Variants in CEP290 observed in about 807,000 individuals in gnomAD.
CEP290 encodes the protein centrosomal protein 290.
CEP290 carries 317 observed loss-of-function variants against 344.9 expected under a neutral mutation model. The ratio of observed to expected loss-of-function variants is 0.92; its 90% confidence interval spans 0.84 to 1.01. The LOEUF (loss-of-function observed/expected upper bound fraction) is 1.01. Ranked by LOEUF, CEP290 falls within the 50% of genes least tolerant of loss-of-function variation. CEP290 has a pLI of 0.00. For synonymous variants in CEP290, 932 were observed against 895.8 expected, an observed-to-expected ratio of 1.04 and a Z score of -0.72; for missense variants, 2,754 against 2,761.4, an observed-to-expected ratio of 1.00 and a Z score of 0.06.
Position 88,111,357 on chromosome 12 carries a change from A to C in CEP290, c.2218-6T>G. On this transcript the variant is annotated splice_region_variant and splice_polypyrimidine_tract_variant and intron_variant, in intron 21 of 53. Coordinates refer to ENST00000552810, the MANE Select transcript of CEP290 (RefSeq NM_025114.4). ...TCTTTTTCAAGATGGTCTATCTGGA[A>C]AAAAAAATCCAGCAATGAGAATCAC... The C allele has an allele frequency of 6.4e-7, 1 of 1,560,896 alleles. No homozygotes were observed.
chr12:88,129,716 T>C lies in CEP290; in HGVS notation c.830A>G (p.Glu277Gly). The C allele has an allele frequency of 1.7e-5, 24 of 1,452,216 alleles. No homozygotes were observed. The highest frequency in any genetic ancestry group is 2.2e-5 in the Non-Finnish European group (24 of 1,080,650). 90.0% of individuals were successfully genotyped at this position (1,452,216 alleles called of 1,614,324 possible). Residue 277 changes from glutamate (E) to glycine (G), a missense_variant, in exon 10 of 54, where the codon GAA (glutamate) becomes GGA (glycine). Transcript: ENST00000552810. ...TDNVIDQLKK[E>G]NDHYQLQVQE... ...TACTTGAAGTTGATAATGATCGTTT[T>C]CTTTTTTTAACTGATCTATTACATT...
intron 49 of CEP290, among the ~76,000 whole-genome samples, chr12:88,056,689 C>A (rs1159656432): frequency 6.6e-6 from 1 of 152,082 alleles, no homozygotes; most frequent in Non-Finnish European, 1.5e-5. Context: ...CCTGGTTTGT[C>A]CCAGTAGTCA....
At chr12:88,056,626 C>T (rs945444406) in intron 49 of CEP290, among the ~76,000 whole-genome samples, 7 of 152,048 alleles carry the variant, frequency 4.6e-5, no homozygotes, top group African/African-American at 1.7e-4. Flanking sequence ...CAAAAGCCAC[C>T]CAAACAGAGA....
At chr12:88,072,960 G>A (rs1261801587) in intron 41 of CEP290, among the ~76,000 whole-genome samples, 1 of 152,010 alleles carries the variant, frequency 6.6e-6, no homozygotes, top group Non-Finnish European at 1.5e-5. Flanking sequence ...AGAAACGGAA[G>A]GGAATTAGGG....
Position 88,118,550 on chromosome 12 carries a change from T to G in CEP290, c.1644A>C (p.Glu548Asp), listed in dbSNP as rs763632792. ...GAATTTTTTTTTTCAGATCAAGTCG[T>G]TCTTCCTCTAGACTTTCAATCTGCA... Reference protein sequence around the residue: ...LLKEIESLEEERLDLKKKIRQ... With the variant: ...LLKEIESLEEDRLDLKKKIRQ... Residue 548 changes from glutamate (E) to aspartate (D), a missense_variant, in exon 17 of 54, where the codon GAA (glutamate) becomes GAC (aspartate). Physicochemically the swap from Glu to Asp is conservative, Grantham distance 45 (BLOSUM62 2). Transcript: ENST00000552810. 4 of 1,591,772 alleles carry G rather than the reference T, an allele frequency of 2.5e-6. No individual in the cohort carries two copies. Among genetic ancestry groups the G allele is most frequent in the Non-Finnish European group, 3.4e-6 (4 of 1,167,266 alleles).
chr12:88,068,954 C>G (rs1286848242), intron 43 of CEP290, among the ~76,000 whole-genome samples: 1 of 152,084 alleles, frequency 6.6e-6, no homozygotes, highest in Non-Finnish European at 1.5e-5. Flanking sequence ...TTACATAAGA[C>G]AGTTAAACTA....
At chr12:88,114,329 T>C in intron 20 of CEP290, 91 bp downstream of exon 20, 2 of 1,005,458 alleles carry the variant, frequency 2.0e-6, no homozygotes, top group South Asian at 4.3e-5. Flanking sequence ...TGACTAAAAA[T>C]ATCTCATCAG....
In CEP290 at chr12:88,080,413, A is replaced by ATG. The variant is rs759447937; in HGVS notation, c.5013-20_5013-19dup. 1.5e-5 allele frequency: 23 copies of ATG among 1,564,856 alleles called. No homozygotes were observed. The highest frequency in any genetic ancestry group is 1.7e-4 in the Middle Eastern group (1 of 5,932). On this transcript the variant is annotated intron_variant, in intron 37 of 53. Coordinates refer to ENST00000552810, the MANE Select transcript of CEP290 (RefSeq NM_025114.4). ...CTTGAAGCCTGATGTAAATAAACATATGTGTGTGTGTGTTTTTTAATTTTT... is the reference window on the plus strand; with the variant it reads ...CTTGAAGCCTGATGTAAATAAACATATGTGTGTGTGTGTGTTTTTTAATTTTT...
intron 13 of CEP290, among the ~76,000 whole-genome samples, chr12:88,123,361 A>G (rs1185398280): frequency 6.6e-6 from 1 of 152,018 alleles, no homozygotes; most frequent in Non-Finnish European, 1.5e-5. Context: ...AAGGGTTCCT[A>G]TATTTCTTTA....
intron 49 of CEP290, among the ~76,000 whole-genome samples, chr12:88,056,388 G>A (rs182165808): frequency 6.6e-6 from 1 of 152,034 alleles, no homozygotes; most frequent in East Asian, 1.9e-4. Flanking sequence ...TAGAAAGACT[G>A]CATTCTAAGT....
chr12:88,120,647 G>A (rs1477380297), intron 14 of CEP290, among the ~76,000 whole-genome samples: 1 of 152,176 alleles, frequency 6.6e-6, no homozygotes, highest in African/African-American at 2.4e-5. Flanking sequence ...AAAGTGGAGA[G>A]CAGGTTGTAT....
At chr12:88,086,830 T>C (rs184438005) in intron 32 of CEP290, among the ~76,000 whole-genome samples, 1 of 152,284 alleles carries the variant, frequency 6.6e-6, no homozygotes, top group Non-Finnish European at 1.5e-5. Flanking sequence ...ACCAAGTCCG[T>C]GTCACCACGG....
Position 88,064,056 on chromosome 12 carries a change from G to A in CEP290, c.6195C>T (p.Asn2065=). ...CQREQELQKE[N]LKLSSENIEL... is the part of the protein sequence containing the mutation. ...CAATATTTTCAGATGACAACTTCAA[G>A]TTTTCCTTCTGAAGCTCCTGTTCTC... The change falls in exon 45 of 54, where the codon AAC becomes AAT. Residue 2065 remains asparagine, a synonymous_variant. Transcript: ENST00000552810. 1.9e-6 allele frequency: 3 copies of A among 1,590,852 alleles called. No homozygotes were observed. The highest frequency in any genetic ancestry group is 2.6e-6 in the Non-Finnish European group (3 of 1,166,746).
chr12:88,064,309 T>A (rs1160569992), intron 44 of CEP290, among the ~76,000 whole-genome samples, 194 bp from the exon 45 acceptor site: 2 of 152,116 alleles, frequency 1.3e-5, no homozygotes, highest in African/African-American at 4.8e-5. Flanking sequence ...GTAGTATGGT[T>A]TGTTTTAATT....
chr12:88,136,691 C>G lies in CEP290; in HGVS notation c.393G>C (p.Leu131Phe), dbSNP rs780621500. The G allele has an allele frequency of 1.9e-6, 3 of 1,613,602 alleles. No individual in the cohort carries two copies. In the East Asian group the frequency reaches 6.7e-5, roughly 36 times the overall value. ...EKQLEQKDRE[L>F]EDMEKELEKE... ...TCTCCAACTCCTTTTCCATGTCCTC[C>G]AATTCTCTATCTTTTTGTTCTAATT... Residue 131 changes from leucine to phenylalanine, a missense_variant, in exon 6 of 54, where the codon TTG becomes TTC. Transcript: ENST00000552810.
intron 43 of CEP290, among the ~76,000 whole-genome samples, chr12:88,070,310 CT>C (rs1431903779): frequency 1.3e-5 from 2 of 152,128 alleles, no homozygotes; most frequent in Non-Finnish European, 2.9e-5. Context: ...ATGAATTTAC[CT>C]TTTCTTTTAT....
intron 5 of CEP290, among the ~76,000 whole-genome samples, chr12:88,138,658 T>C (rs2040470935): frequency 6.6e-6 from 1 of 152,204 alleles, no homozygotes; most frequent in Admixed American, 6.5e-5. Context: ...ACATCCACTC[T>C]TCCCACGCTC....
chr12:88,059,067 T>C, intron 48 of CEP290, 47 bp from the exon 49 acceptor site: 1 of 1,411,110 alleles, frequency 7.1e-7, no homozygotes, highest in South Asian at 1.4e-5. Flanking sequence ...CATAATACTG[T>C]TCTCATAGAT....
intron 6 of CEP290, among the ~76,000 whole-genome samples, chr12:88,131,895 A>T (rs888989382): frequency 6.6e-6 from 1 of 152,212 alleles, no homozygotes; most frequent in African/African-American, 2.4e-5. Flanking sequence ...CTCAGTGAAC[A>T]TAAATTACTT....
Sources: allele counts gnomAD v4.1 joint callset (sites outside exome capture counted in the v4.1 genomes callset), GRCh38; gene constraint gnomAD v4.1.1; transcripts MANE v1.5; gene names NCBI Gene and HGNC (gene_info 2026-07-23, HGNC 2026-07-21).